BCL9: variants seen among roughly 807,000 people sequenced by gnomAD.
The protein encoded by BCL9 is BCL9 transcription coactivator, also known as B-cell CLL/lymphoma 9 protein.
In BCL9, 25 loss-of-function variants were observed where a neutral mutation model predicts 88.5. The ratio of observed to expected loss-of-function variants is 0.28; its 90% CI spans 0.21 to 0.39. The LOEUF is 0.39. BCL9 is among the 10% of genes least tolerant of loss of function. The pLI is 1.00. For missense variants in BCL9, 1,817 were observed against 1,877.8 expected (o/e 0.97, Z 0.60); for synonymous variants, 711 against 673.3 (o/e 1.06, Z -0.87).
intron 1 of BCL9, among the ~76,000 whole-genome samples, chr1:147,546,065 G>A (rs587624489): frequency 2.0e-5 from 3 of 152,250 alleles, no homozygotes; most frequent in Non-Finnish European, 2.9e-5. Flanking sequence ...GGCCAGGCAC[G>A]GTGGCTTAAT....
At chr1:147,548,087 C>T (rs587606986) in intron 1 of BCL9, among the ~76,000 whole-genome samples, 1 of 152,244 alleles carries the variant, frequency 6.6e-6, no homozygotes, top group African/African-American at 2.4e-5. Flanking sequence ...GTCATTTGCT[C>T]AGAAGAGAAA....
chr1:147,610,476 A>G (rs1657937939), intron 3 of BCL9, among the ~76,000 whole-genome samples: 1 of 152,226 alleles, frequency 6.6e-6, no homozygotes, highest in Admixed American at 6.5e-5. Flanking sequence ...AACCTAGGAT[A>G]TAATTGATCC....
chr1:147,551,318 T>C (rs1654894262), intron 1 of BCL9, among the ~76,000 whole-genome samples: 3 of 152,182 alleles, frequency 2.0e-5, no homozygotes, highest in Admixed American at 6.5e-5. Context: ...CAAAGTCATA[T>C]AATTGCTAAG....
At chr1:147,572,251 AAAAACAAAAACAAAAAC>A (rs1655920222) in intron 1 of BCL9, among the ~76,000 whole-genome samples, 2 of 147,522 alleles carry the variant, frequency 1.4e-5, no homozygotes, top group African/African-American at 5.0e-5. Context: ...TCAAAAAAAC[AAAAACAAAAACAAAAAC>A]AAAACAAAAA....
rs183632665 is a variant in BCL9, at chr1:147,565,467, T to C, written c.-478+23793T>C. On this transcript the variant is annotated intron_variant, in intron 1 of 9. Transcript: ENST00000234739. Reference sequence around the variant, plus strand: ...AGCTGTTATCAGTGGGCATTCTTCCTCTTGCCTGGCCAAGTGCTGTTGGTG... The same window carrying C: ...AGCTGTTATCAGTGGGCATTCTTCCCCTTGCCTGGCCAAGTGCTGTTGGTG... Among the ~76,000 whole-genome samples the C allele has an allele frequency of 2.8e-4, 43 of 152,356 alleles. No homozygotes were observed. In the East Asian group the frequency reaches 7.3e-3, roughly 26 times the overall value.
intron 1 of BCL9, among the ~76,000 whole-genome samples, chr1:147,542,851 T>C (rs1295038299): frequency 1.3e-5 from 2 of 152,186 alleles, no homozygotes; most frequent in Non-Finnish European, 2.9e-5. Flanking sequence ...CAAGACCTTG[T>C]GTTTTCTGGG....
intron 7 of BCL9, among the ~76,000 whole-genome samples, chr1:147,616,715 C>T (rs868931351): frequency 2.0e-5 from 3 of 150,998 alleles, no homozygotes; most frequent in African/African-American, 7.3e-5. Context: ...TGCAGTGAGC[C>T]GAGATTGTGC....
At chr1:147,573,453 C>CA (rs199986007) in intron 1 of BCL9, among the ~76,000 whole-genome samples, 247 of 150,404 alleles carry the variant, frequency 1.6e-3, no homozygotes, top group Admixed American at 4.2e-3. Flanking sequence ...AACTCTGTCT[C>CA]AAAAAAAAAG....
At chr1:147,616,064 A>G (rs1467110148) in intron 7 of BCL9, among the ~76,000 whole-genome samples, 162 bp downstream of exon 7, 3 of 152,242 alleles carry the variant, frequency 2.0e-5, no homozygotes, top group Non-Finnish European at 4.4e-5. Context: ...GGCATATCAT[A>G]CTATACTAGC....
At chr1:147,556,751 T>G (rs1382618189) in intron 1 of BCL9, among the ~76,000 whole-genome samples, 28 of 152,144 alleles carry the variant, frequency 1.8e-4, no homozygotes, top group African/African-American at 6.8e-4. Context: ...CCTGGCCATC[T>G]TTACATTTAA....
In BCL9 at chr1:147,622,252, T is replaced by C. The variant is rs782726217; in HGVS notation, c.2903-19T>C. 10 of 1,613,602 alleles carry C rather than the reference T, an allele frequency of 6.2e-6. No individual in the cohort carries two copies. Among genetic ancestry groups the C allele is most frequent in the African/African-American group, 4.0e-5 (3 of 75,030 alleles). On this transcript the variant is annotated intron_variant, in intron 8 of 9. Transcript: ENST00000234739. ...AATCTAATTCCCTGCCCGTTTTGTT[T>C]TATTTTGCTTCCTTTTAGGTGGCCC...
intron 1 of BCL9, among the ~76,000 whole-genome samples, chr1:147,561,803 T>TCA (rs1205780488): frequency 6.6e-6 from 1 of 152,216 alleles, no homozygotes; most frequent in Non-Finnish European, 1.5e-5. Context: ...TATGGGAGGT[T>TCA]CACATCTAGT....
Position 147,544,765 on chromosome 1 carries a change from C to A in BCL9, c.-478+3091C>A, listed in dbSNP as rs587750491. ...CATAAAGGGAAAAAAAAATTAAATA[C>A]CTTTTTAGCAGATCTCTGGTTGTGC... On this transcript the variant is annotated intron_variant, in intron 1 of 9. Coordinates refer to ENST00000234739, the MANE Select transcript of BCL9 (RefSeq NM_004326.4). Among the ~76,000 whole-genome samples the A allele has an allele frequency of 7.9e-5, 12 of 152,222 alleles. No homozygotes were observed. The East Asian group carries it at 1.9e-3, about 24-fold the overall frequency.
chr1:147,581,362 C>A (rs1570855616), intron 1 of BCL9, among the ~76,000 whole-genome samples: 1 of 152,190 alleles, frequency 6.6e-6, no homozygotes, highest in Non-Finnish European at 1.5e-5. Flanking sequence ...CTTAAGGGAA[C>A]CCTCTGTTTT....
intron 1 of BCL9, among the ~76,000 whole-genome samples, chr1:147,592,527 T>G (rs1210448201): frequency 1.3e-5 from 2 of 152,222 alleles, no homozygotes; most frequent in African/African-American, 4.8e-5. Flanking sequence ...AACCTTTTAT[T>G]ATGTTATCCA....
At chr1:147,574,459 A>C (rs1553197869) in intron 1 of BCL9, among the ~76,000 whole-genome samples, 2 of 152,210 alleles carry the variant, frequency 1.3e-5, no homozygotes, top group African/African-American at 4.8e-5. Context: ...GTGCACCTCC[A>C]TGTCAGGGGA....
intron 1 of BCL9, among the ~76,000 whole-genome samples, chr1:147,591,140 A>G (rs1656826476): frequency 6.6e-6 from 1 of 152,140 alleles, no homozygotes; most frequent in African/African-American, 2.4e-5. Flanking sequence ...CATCTGTAAA[A>G]TGGGTATAAT....
At chr1:147,559,400 C>G (rs587657574) in intron 1 of BCL9, among the ~76,000 whole-genome samples, 1 of 152,276 alleles carries the variant, frequency 6.6e-6, no homozygotes, top group East Asian at 1.9e-4. Flanking sequence ...TGTCTATAAA[C>G]ATAGCAGTTG....
intron 1 of BCL9, among the ~76,000 whole-genome samples, chr1:147,552,975 A>T (rs1337501383): frequency 4.0e-5 from 6 of 148,948 alleles, no homozygotes; most frequent in African/African-American, 7.4e-5. Context: ...GGAATTTCCA[A>T]TTTTTTTTTT....
Sources: allele counts gnomAD v4.1 joint callset (sites outside exome capture counted in the v4.1 genomes callset), GRCh38; gene constraint gnomAD v4.1.1; transcripts MANE v1.5; gene names NCBI Gene and HGNC (gene_info 2026-07-23, HGNC 2026-07-21).